The following PDE1C variants were observed in gnomAD, a reference collection of about 807,000 sequenced individuals.
PDE1C encodes dual specificity calcium/calmodulin-dependent 3',5'-cyclic nucleotide phosphodiesterase 1C.
A neutral mutation model predicts 93.1 loss-of-function variants in PDE1C; 62 were observed. That is an observed-to-expected ratio of 0.67 (90% CI 0.54 to 0.82). The LOEUF (loss-of-function observed/expected upper bound fraction) is 0.82. PDE1C is among the 40% of genes least tolerant of loss of function. PDE1C has a pLI of 0.00. For missense variants in PDE1C, 742 were observed against 884.6 expected, an observed-to-expected ratio of 0.84 and a Z score of 2.04; for synonymous variants, 325 against 310.1, an observed-to-expected ratio of 1.05 and a Z score of -0.50.
intron 16 of PDE1C, chr7:31,808,308 T>G (rs1156950945): frequency 1.4e-5 from 5 of 368,384 alleles, no homozygotes; most frequent in Non-Finnish European, 2.6e-5. Context: ...TAGCTTAATA[T>G]GATGTCTGTG....
chr7:32,030,565 C>T (rs1790180605), intron 2 of PDE1C, among the ~76,000 whole-genome samples: 1 of 151,950 alleles, frequency 6.6e-6, no homozygotes, highest in Non-Finnish European at 1.5e-5. Flanking sequence ...ACATTACCGC[C>T]AAAATAAGTT....
At chr7:31,891,740 T>C (rs956332503) in intron 2 of PDE1C, among the ~76,000 whole-genome samples, 5 of 151,900 alleles carry the variant, frequency 3.3e-5, no homozygotes. Flanking sequence ...TTCTATACCT[T>C]GACTGTGGTG....
intron 1 of PDE1C, among the ~76,000 whole-genome samples, chr7:32,224,748 G>T (rs930788834): frequency 6.6e-6 from 1 of 152,194 alleles, no homozygotes; most frequent in Admixed American, 6.5e-5. Flanking sequence ...CTTGGAAGCT[G>T]CTTCCAGATG....
intron 5 of PDE1C, among the ~76,000 whole-genome samples, chr7:31,875,815 A>ATG (rs1796492747): frequency 1.2e-5 from 1 of 81,340 alleles, no homozygotes; most frequent in Admixed American, 1.6e-4. Context: ...ATATATATAT[A>ATG]TATATATATA....
chr7:31,624,869 T>C, the PDE1C span, among the ~76,000 whole-genome samples: 31 of 152,160 alleles, frequency 2.0e-4, no homozygotes, highest in South Asian at 4.0e-3. Flanking sequence ...TCGCAACCTA[T>C]TCATCTGACA....
At chr7:31,713,988 A>C in the PDE1C span, among the ~76,000 whole-genome samples, 309 of 152,176 alleles carry the variant, frequency 2.0e-3, 1 homozygote, top group African/African-American at 6.9e-3. Flanking sequence ...CATTTTCCCC[A>C]TTGTTTTGGT....
At chr7:31,847,323 T>G (rs1342444846) in intron 9 of PDE1C, among the ~76,000 whole-genome samples, 1 of 152,162 alleles carries the variant, frequency 6.6e-6, no homozygotes, top group African/African-American at 2.4e-5. Flanking sequence ...GAGTCCATAT[T>G]CAAAACACAG....
At chr7:31,702,816 G>A in the PDE1C span, among the ~76,000 whole-genome samples, 11 of 152,188 alleles carry the variant, frequency 7.2e-5, no homozygotes, top group African/African-American at 2.4e-4. Context: ...TGTTTTATCT[G>A]GCAATCACAA....
chr7:31,991,389 G>A (rs776848213), intron 2 of PDE1C, among the ~76,000 whole-genome samples: 16 of 152,198 alleles, frequency 1.1e-4, no homozygotes, highest in African/African-American at 1.7e-4. Flanking sequence ...TGAGGCTCTC[G>A]TGCTATACAA....
intron 8 of PDE1C, 145 bp from the exon 9 acceptor site, chr7:31,848,241 A>C: frequency 1.4e-6 from 1 of 693,260 alleles, no homozygotes; most frequent in Non-Finnish European, 2.4e-6. Context: ...CCAAAAGCTC[A>C]ACTAACACTA....
At position 31,990,372 on chromosome 7, in the gene PDE1C, C is replaced by T. The variant is rs144406915; in HGVS notation, c.128+61182G>A. Among the ~76,000 whole-genome samples the T allele has an allele frequency of 5.9e-3, 898 of 152,250 alleles. 4 individuals are homozygous for T. The highest frequency in any genetic ancestry group is 0.021 in the African/African-American group (868 of 41,546). ...GTAAGACATGACTTCGCTCTTCATT[C>T]GCCTTCCGCCATGATTGTTAGGCCT... On this transcript the variant is annotated intron_variant, in intron 2 of 17. Transcript: ENST00000396191.
At chr7:32,105,348 A>G (rs966398152) in intron 3 of PDE1C, among the ~76,000 whole-genome samples, 1 of 152,186 alleles carries the variant, frequency 6.6e-6, no homozygotes, top group African/African-American at 2.4e-5. Context: ...AGACCCATGG[A>G]AAAATTAAAA....
chr7:31,755,747 T>C (rs1464412825), intron 17 of PDE1C, among the ~76,000 whole-genome samples: 1 of 152,180 alleles, frequency 6.6e-6, no homozygotes, highest in Non-Finnish European at 1.5e-5. Context: ...CACACTGATA[T>C]AAATAAATGA....
intron 2 of PDE1C, among the ~76,000 whole-genome samples, chr7:31,883,627 AC>A (rs1797518764): frequency 1.3e-5 from 2 of 152,234 alleles, no homozygotes; most frequent in African/African-American, 4.8e-5. Context: ...CTAATTTTTA[AC>A]AATTCCCACT....
At chr7:31,669,766 T>C in the PDE1C span, among the ~76,000 whole-genome samples, 6 of 152,204 alleles carry the variant, frequency 3.9e-5, no homozygotes, top group Non-Finnish European at 7.3e-5. Flanking sequence ...AGATTTGAGG[T>C]CTGCTTTTCA....
upstream of PDE1C, chr7:32,070,607 G>A: frequency 7.0e-7 from 1 of 1,418,756 alleles, no homozygotes. Flanking sequence ...GGAGGCAGCT[G>A]CGGGAACCAG....
rs1432750371 is a variant in PDE1C at position 32,416,296 on chromosome 7, C to T, written c.310+11526G>A. ...GTGGGTGCTCAGGGAATGCCCCGGA[C>T]GTACATATTCAAGGATAAGGATGAG... On this transcript the variant is annotated intron_variant, in intron 1 of 1. Coordinates refer to the PDE1C transcript ENST00000672256. Among the ~76,000 whole-genome samples the T allele has an allele frequency of 3.9e-5, 6 of 152,162 alleles. No homozygotes were observed. The East Asian group carries it at 9.7e-4, about 24-fold the overall frequency.
chr7:32,184,370 A>G (rs1377647272), intron 2 of PDE1C, among the ~76,000 whole-genome samples: 1 of 152,236 alleles, frequency 6.6e-6, no homozygotes, highest in Non-Finnish European at 1.5e-5. Flanking sequence ...TTGCATCACT[A>G]TTCACAATAG....
intron 2 of PDE1C, among the ~76,000 whole-genome samples, chr7:32,173,121 A>G (rs1264299615): frequency 6.6e-6 from 1 of 152,202 alleles, no homozygotes; most frequent in Admixed American, 6.5e-5. Context: ...AATGCCCATC[A>G]CCGATAGACT....
Sources: gnomAD v4.1 joint callset for allele counts (sites outside exome capture counted in the v4.1 genomes callset) on GRCh38, gnomAD v4.1.1 for gene constraint, MANE v1.5 for transcripts, NCBI Gene and HGNC (gene_info 2026-07-23, HGNC 2026-07-21) for gene names.